Variants in STIM1 observed in about 807,000 individuals in gnomAD.
The protein encoded by STIM1 is stromal interaction molecule 1.
STIM1 carries 25 observed loss-of-function variants against 74.7 expected under a neutral mutation model. The ratio of observed to expected loss-of-function variants is 0.33; its 90% CI spans 0.24 to 0.47. The LOEUF (loss-of-function observed/expected upper bound fraction) is 0.47, where lower values mean the gene tolerates loss of function less well. Ranked by LOEUF, STIM1 falls within the 20% of genes least tolerant of loss-of-function variation. The pLI is 1.00. For missense variants in STIM1, 728 were observed against 920.8 expected (o/e 0.79, Z 2.71); for synonymous variants, 328 against 348.8 (o/e 0.94, Z 0.66).
chr11:4,091,419 T>C lies in STIM1; in HGVS notation c.1772T>C (p.Ile591Thr), dbSNP rs1036967931. ...AMTSNGSHRL[I>T]EGVHPGSLVE... ...ACTTCCAATGGCAGCCACCGGCTGA[T>C]CGAGGGGGTCCACCCAGGGTCTCTG... The change falls in exon 13 of 13, where the codon ATC (isoleucine) becomes ACC (threonine). Residue 591 changes from isoleucine (I) to threonine (T), a missense_variant. Ile to Thr is a moderately conservative substitution (Grantham distance 89). Coordinates refer to ENST00000526596, the MANE Select transcript of STIM1 (RefSeq NM_001382567.1). 3 of 1,614,150 alleles carry C rather than the reference T, an allele frequency of 1.9e-6. No individual in the cohort carries two copies. Among genetic ancestry groups the C allele is most frequent in the Admixed American group, 3.3e-5 (2 of 60,022 alleles).
At chr11:3,975,986 C>G (rs565620066) in intron 2 of STIM1, among the ~76,000 whole-genome samples, 21 of 152,278 alleles carry the variant, frequency 1.4e-4, no homozygotes, top group Non-Finnish European at 2.8e-4. Context: ...GGTATTTACC[C>G]TATGAATAAA....
intron 1 of STIM1, among the ~76,000 whole-genome samples, chr11:3,939,063 A>G (rs2092972505): frequency 6.6e-6 from 1 of 152,236 alleles, no homozygotes; most frequent in South Asian, 2.1e-4. Context: ...ACTTTTCTGT[A>G]TGACATATAA....
At chr11:4,089,071 A>G in intron 12 of STIM1, 1 of 289,052 alleles carries the variant, frequency 3.5e-6, no homozygotes, top group South Asian at 3.7e-5. Context: ...GTCTCTACAA[A>G]AAAAAAATCA....
At chr11:3,945,313 AC>A in intron 1 of STIM1, among the ~76,000 whole-genome samples, 1 of 152,348 alleles carries the variant, frequency 6.6e-6, no homozygotes, top group African/African-American at 2.4e-5. Context: ...ATGGTGGCTC[AC>A]GCCTGTAATC....
intron 2 of STIM1, among the ~76,000 whole-genome samples, chr11:4,000,147 C>G (rs2093700216): frequency 6.6e-6 from 1 of 151,408 alleles, no homozygotes; most frequent in Non-Finnish European, 1.5e-5. Flanking sequence ...GGCTCCACCT[C>G]TGGGGGCAGG....
At chr11:4,071,118 G>A (rs2094400873) in intron 6 of STIM1, among the ~76,000 whole-genome samples, 1 of 152,144 alleles carries the variant, frequency 6.6e-6, no homozygotes, top group Admixed American at 6.5e-5. Flanking sequence ...TATAGGGTGG[G>A]GTCAGATCCC....
At chr11:3,887,160 G>T (rs1253128014) in intron 1 of STIM1, among the ~76,000 whole-genome samples, 2 of 152,156 alleles carry the variant, frequency 1.3e-5, no homozygotes, top group African/African-American at 4.8e-5. Flanking sequence ...AAGAGAGGAG[G>T]CTTGGGAAAC....
intron 3 of STIM1, among the ~76,000 whole-genome samples, chr11:4,051,289 T>C (rs1172031430): frequency 6.6e-6 from 1 of 152,190 alleles, no homozygotes; most frequent in Non-Finnish European, 1.5e-5. Flanking sequence ...TGCTTTTTAC[T>C]TTTAGCTTAT....
intron 2 of STIM1, among the ~76,000 whole-genome samples, chr11:4,017,720 T>G (rs1181568421): frequency 2.0e-5 from 3 of 152,206 alleles, no homozygotes; most frequent in Non-Finnish European, 4.4e-5. Context: ...TTGAAGAACC[T>G]GATTAATCAA....
chr11:3,954,937 G>C (rs1181753345), intron 1 of STIM1, among the ~76,000 whole-genome samples: 1 of 152,170 alleles, frequency 6.6e-6, no homozygotes, highest in African/African-American at 2.4e-5. Flanking sequence ...TTCATACAAA[G>C]ACTTGTACAT....
At chr11:4,065,076 T>A (rs1441498346) in intron 5 of STIM1, among the ~76,000 whole-genome samples, 1 of 152,238 alleles carries the variant, frequency 6.6e-6, no homozygotes, top group Non-Finnish European at 1.5e-5. Flanking sequence ...GCTACTATTT[T>A]TAATTTTTAA....
At chr11:3,904,675 T>C (rs13328911) in intron 1 of STIM1, among the ~76,000 whole-genome samples, 4,698 of 152,038 alleles carry the variant, frequency 0.031, 238 homozygotes, top group African/African-American at 0.1. Context: ...AGGGTAGTGG[T>C]CATGGGGGTT....
chr11:3,858,424 A>G (rs1451684592), intron 1 of STIM1, among the ~76,000 whole-genome samples: 2 of 152,136 alleles, frequency 1.3e-5, no homozygotes, highest in African/African-American at 4.8e-5. Context: ...TTGTCACAAT[A>G]ATAGTGAATT....
chr11:3,896,103 A>G (rs1365984245), intron 1 of STIM1, among the ~76,000 whole-genome samples: 1 of 151,304 alleles, frequency 6.6e-6, no homozygotes, highest in African/African-American at 2.4e-5. Flanking sequence ...ACGGGGTTTC[A>G]CCATGTTAGC....
chr11:3,862,882 A>G lies in STIM1; in HGVS notation c.139+6473A>G, dbSNP rs201939094. Among the ~76,000 whole-genome samples, 80 of 141,464 alleles carry G rather than the reference A, an allele frequency of 5.7e-4. No homozygotes were observed. The East Asian group carries it at 6.5e-3, about 12-fold the overall frequency. 92.8% of individuals were successfully genotyped at this position (141,464 alleles called of 152,430 possible). On this transcript the variant is annotated intron_variant, in intron 1 of 12. Transcript: ENST00000526596. The stretch of plus-strand genomic sequence containing the variant: ...TCTGTAAGTACACACACACACACGC[A>G]CACACACACACACACACATATTTTT...
chr11:4,016,044 G>C (rs2093893515), intron 2 of STIM1, among the ~76,000 whole-genome samples: 1 of 152,136 alleles, frequency 6.6e-6, no homozygotes, highest in Non-Finnish European at 1.5e-5. Context: ...GCCTACTTCT[G>C]TCAACTCGTT....
intron 1 of STIM1, among the ~76,000 whole-genome samples, chr11:3,933,630 C>G (rs1011444839): frequency 6.6e-6 from 1 of 152,158 alleles, no homozygotes; most frequent in Admixed American, 6.6e-5. Flanking sequence ...TCTAAGGATT[C>G]TCAACATGGC....
At chr11:3,882,225 G>A (rs1364272594) in intron 1 of STIM1, among the ~76,000 whole-genome samples, 2 of 148,554 alleles carry the variant, frequency 1.3e-5, no homozygotes, top group South Asian at 2.2e-4. Flanking sequence ...TCAGCCTCCC[G>A]AGTAGCTGGG....
chr11:4,066,310 T>C (rs529038355), intron 5 of STIM1, among the ~76,000 whole-genome samples: 1 of 152,232 alleles, frequency 6.6e-6, no homozygotes, highest in Non-Finnish European at 1.5e-5. Context: ...GGTTGTGCGA[T>C]GCAGCTGGCC....
Sources: gnomAD v4.1 joint callset for allele counts (sites outside exome capture counted in the v4.1 genomes callset) on GRCh38, gnomAD v4.1.1 for gene constraint, MANE v1.5 for transcripts, NCBI Gene and HGNC (gene_info 2026-07-23, HGNC 2026-07-21) for gene names.